PLAT: variants seen among roughly 807,000 people sequenced by gnomAD.
PLAT encodes the protein tissue-type plasminogen activator.
In PLAT, 48 loss-of-function variants were observed where a neutral mutation model predicts 74.9. That is an observed-to-expected ratio of 0.64 (90% confidence interval 0.51 to 0.82). PLAT has a LOEUF of 0.82. Ranked by LOEUF, PLAT falls within the 40% of genes least tolerant of loss-of-function variation. The probability of loss-of-function intolerance (pLI) is 0.00; values close to 1 mark genes in which losing one functional copy is unlikely to be tolerated. For missense variants in PLAT, 673 were observed against 736.2 expected, an observed-to-expected ratio of 0.91 and a Z score of 0.99; for synonymous variants, 307 against 294.4, an observed-to-expected ratio of 1.04 and a Z score of -0.44.
intron 3 of PLAT, among the ~76,000 whole-genome samples, chr8:42,190,218 G>A (rs574670648): frequency 6.6e-6 from 1 of 152,136 alleles, no homozygotes; most frequent in Non-Finnish European, 1.5e-5. Context: ...ACAGATGTGA[G>A]CCATTGCACC....
chr8:42,175,967 G>T lies in PLAT; in HGVS notation c.*26C>A. The T allele has an allele frequency of 1.2e-6, 2 of 1,611,316 alleles. No homozygotes were observed. Among genetic ancestry groups the T allele is most frequent in the South Asian group, 2.2e-5 (2 of 90,912 alleles). ...AAGAAGAAGAGGCGGGATCTCATTT[G>T]CTTTTGAGGAGTCGGGTGTTCCTGG... On this transcript the variant is annotated 3_prime_UTR_variant, in exon 14 of 14. Coordinates refer to ENST00000220809, the MANE Select transcript of PLAT (RefSeq NM_000930.5).
chr8:42,196,833 C>T (rs1214662461), intron 1 of PLAT, among the ~76,000 whole-genome samples: 1 of 138,682 alleles, frequency 7.2e-6, no homozygotes, highest in South Asian at 2.2e-4. Context: ...CATCAAAGAA[C>T]TGAAAAAAAA....
intron 7 of PLAT, among the ~76,000 whole-genome samples, chr8:42,183,560 G>A (rs8178772): frequency 3.4e-4 from 51 of 152,214 alleles, no homozygotes; most frequent in African/African-American, 1.2e-3. Context: ...GTTATTTCTC[G>A]GACTGTGTCT....
At chr8:42,196,673 T>A (rs1354997600) in intron 1 of PLAT, among the ~76,000 whole-genome samples, 1 of 152,046 alleles carries the variant, frequency 6.6e-6, no homozygotes, top group Non-Finnish European at 1.5e-5. Context: ...ACTTTGGGCC[T>A]CACCAAAGGG....
intron 13 of PLAT, among the ~76,000 whole-genome samples, chr8:42,178,162 C>G (rs1018326092): frequency 6.6e-6 from 1 of 152,206 alleles, no homozygotes; most frequent in African/African-American, 2.4e-5. Flanking sequence ...ACTTCTTTCT[C>G]ACATCATCTA....
chr8:42,182,758 C>G lies in PLAT; in HGVS notation c.764G>C (p.Ser255Thr). 6.2e-7 allele frequency: 1 copy of G among 1,613,066 alleles called. No individual in the cohort carries two copies. Among genetic ancestry groups the G allele is most frequent in the South Asian group, 1.1e-5 (1 of 90,970 alleles). ...IGKVYTAQNPSAQALGLGKHN... is the reference protein window; with the variant it reads ...IGKVYTAQNPTAQALGLGKHN... ...TTTGCCCAGGCCCAGTGCCTGGGCA[C>G]TGGGGTTCTGTGCTGTGTAAACCTT... The change falls in exon 8 of 14, where the codon AGT (serine) becomes ACT (threonine). Residue 255 changes from serine (S) to threonine (T), a missense_variant. Coordinates refer to ENST00000220809, the MANE Select transcript of PLAT (RefSeq NM_000930.5).
chr8:42,183,318 CT>C (rs1053106792), intron 7 of PLAT, among the ~76,000 whole-genome samples: 1 of 152,156 alleles, frequency 6.6e-6, no homozygotes, highest in Non-Finnish European at 1.5e-5. Flanking sequence ...CTTTTTCCCC[CT>C]CTTTGAGTCC....
At chr8:42,178,167 C>T (rs1430378191) in intron 13 of PLAT, among the ~76,000 whole-genome samples, 1 of 151,950 alleles carries the variant, frequency 6.6e-6, no homozygotes, top group Non-Finnish European at 1.5e-5. Context: ...TTTCTCACAT[C>T]ATCTAGATCC....
chr8:42,193,283 C>T (rs568533836), intron 1 of PLAT, 72 bp from the exon 2 acceptor site: 14 of 970,972 alleles, frequency 1.4e-5, no homozygotes, highest in East Asian at 9.9e-5. Flanking sequence ...GAGGATAAGC[C>T]GCAATGTTGT....
At chr8:42,183,938 A>G (rs1029880987) in intron 7 of PLAT, among the ~76,000 whole-genome samples, 3 of 152,006 alleles carry the variant, frequency 2.0e-5, no homozygotes, top group African/African-American at 7.3e-5. Context: ...ACACACCCAC[A>G]CACATATTTA....
At position 42,180,228 on chromosome 8, in the gene PLAT, TGAC is replaced by T; in HGVS notation, c.1222+11_1222+13del. Reference sequence around the variant, plus strand: ...GATCTGTATGAACTGGAGCCGGGAATGACGAGCTCTTACCAATGTCATTGTCGT... The same window carrying T: ...GATCTGTATGAACTGGAGCCGGGAATGAGCTCTTACCAATGTCATTGTCGT... On this transcript the variant is annotated intron_variant, in intron 11 of 13. Transcript: ENST00000220809. 6.2e-7 allele frequency: 1 copy of T among 1,614,120 alleles called. No individual in the cohort carries two copies. Among genetic ancestry groups the T allele is most frequent in the Non-Finnish European group, 8.5e-7 (1 of 1,179,958 alleles).
At position 42,176,048 on chromosome 8, in the gene PLAT, A is replaced by G. The variant is rs768323925; in HGVS notation, c.1634T>C (p.Val545Ala). ...LGCGQKDVPG[V>A]YTKVTNYLDW... ...TAGGTAGTTGGTAACCTTGGTGTAC[A>G]CACCCGGGACATCCTTCTGTCCACA... Residue 545 changes from valine to alanine, a missense_variant, in exon 14 of 14, where the codon GTG becomes GCG. By Grantham distance (64) the Val-to-Ala change is moderately conservative. Transcript: ENST00000220809. 5 of 1,614,006 alleles carry G rather than the reference A, an allele frequency of 3.1e-6. No homozygotes were observed. In the South Asian group the frequency reaches 5.5e-5, roughly 18 times the overall value.
At chr8:42,193,334 G>T (rs1473042368) in intron 1 of PLAT, 123 bp from the exon 2 acceptor site, 1 of 631,444 alleles carries the variant, frequency 1.6e-6, no homozygotes, top group Non-Finnish European at 2.8e-6. Flanking sequence ...CGGCAGAAAC[G>T]CCAGACATGC....
At chr8:42,188,882 C>T in intron 4 of PLAT, 52 bp downstream of exon 4, 1 of 1,551,102 alleles carries the variant, frequency 6.4e-7, no homozygotes, top group African/African-American at 1.4e-5. Context: ...ACCTTGGCCT[C>T]CTAAAGTGCT....
Position 42,179,945 on chromosome 8 carries a change from G to C in PLAT, c.1344C>G (p.Gly448=), listed in dbSNP as rs1222336065. The C allele has an allele frequency of 1.2e-6, 2 of 1,603,068 alleles. No homozygotes were observed. Among genetic ancestry groups the C allele is most frequent in the Admixed American group, 1.7e-5 (1 of 58,960 alleles). Residue 448 remains glycine, a synonymous_variant, in exon 12 of 14, where the codon GGC becomes GGG. Transcript: ENST00000220809. The part of the protein sequence containing the change: ...LPDWTECELS[G]YGKHEALSPF... ...ACTTACAGGCCTCATGCTTGCCGTA[G>C]CCGGAGAGCTCACACTCCGTCCAGT...
chr8:42,203,366 T>C (rs1199528861), intron 1 of PLAT, among the ~76,000 whole-genome samples: 2 of 152,320 alleles, frequency 1.3e-5, no homozygotes, highest in Admixed American at 1.3e-4. Flanking sequence ...GTCTTGGCCA[T>C]TGGTGTGTGC....
chr8:42,205,456 G>A (rs1334218895), intron 1 of PLAT, among the ~76,000 whole-genome samples: 3 of 152,170 alleles, frequency 2.0e-5, no homozygotes, highest in African/African-American at 7.2e-5. Flanking sequence ...GAACCTGGGA[G>A]GTGGAGGTTG....
At chr8:42,204,250 C>T (rs140658379) in intron 1 of PLAT, among the ~76,000 whole-genome samples, 53 of 151,924 alleles carry the variant, frequency 3.5e-4, no homozygotes, top group African/African-American at 1.1e-3. Context: ...TTGACTAGGA[C>T]GAGGTTTATA....
In PLAT at chr8:42,200,172, C is replaced by G. The variant is rs577488064; in HGVS notation, c.-26-6961G>C. On this transcript the variant is annotated intron_variant, in intron 1 of 13. Transcript: ENST00000220809. ...TTTCCAGGCACAGAGTTTACTAAAC[C>G]CTTTCACATCCATTAAGTCATTTGA... Among the ~76,000 whole-genome samples, 9 of 152,160 alleles carry G rather than the reference C, an allele frequency of 5.9e-5. No homozygotes were observed. In the East Asian group the frequency reaches 9.6e-4, roughly 16 times the overall value.
Sources: gnomAD v4.1 joint callset for allele counts (sites outside exome capture counted in the v4.1 genomes callset) on GRCh38, gnomAD v4.1.1 for gene constraint, MANE v1.5 for transcripts, NCBI Gene and HGNC (gene_info 2026-07-23, HGNC 2026-07-21) for gene names.